The following VWA8 variants were observed in gnomAD, a reference collection of about 807,000 sequenced individuals.
VWA8 encodes von Willebrand factor A domain containing 8, also known as von Willebrand factor A domain-containing protein 8.
Under a neutral mutation model 241.5 loss-of-function variants are expected in VWA8, and 221 were observed. That is an observed-to-expected ratio of 0.91 (90% CI 0.82 to 1.02). VWA8 has a LOEUF of 1.02. Among genes scored for constraint, VWA8 ranks in the 50% least tolerant of loss-of-function variants. VWA8 has a pLI of 0.00. For synonymous variants in VWA8, 852 were observed against 827.1 expected (o/e 1.03, Z -0.52); for missense variants, 2,322 against 2,328.7 (o/e 1.00, Z 0.06).
At chr13:41,930,089 A>T (rs1286370961) in intron 2 of VWA8, among the ~76,000 whole-genome samples, 1 of 152,208 alleles carries the variant, frequency 6.6e-6, no homozygotes, top group Non-Finnish European at 1.5e-5. Context: ...TTCTCCAAAG[A>T]AGGTGTAAAA....
In VWA8 at chr13:41,854,927, C is replaced by A. The variant is rs76769737; in HGVS notation, c.1425+10809G>T. On this transcript the variant is annotated intron_variant, in intron 12 of 44. Transcript: ENST00000379310. ...CAAGAAAGCATGGAGTGGTAGGCAG[C>A]AAGTCATGTTGGGGAAACTGCAAGT... 9.2e-3 allele frequency among the ~76,000 whole-genome samples: 1,393 copies of A among 152,218 alleles called. 32 individuals carry two copies. The highest frequency in any genetic ancestry group is 0.03 in the African/African-American group (1,251 of 41,532).
At chr13:41,683,308 T>C (rs2045113289) in intron 35 of VWA8, among the ~76,000 whole-genome samples, 2 of 151,324 alleles carry the variant, frequency 1.3e-5, no homozygotes, top group South Asian at 2.1e-4. Flanking sequence ...AATAAATAAA[T>C]GATTCTCAAA....
chr13:41,619,642 C>G (rs2044644043), intron 37 of VWA8, among the ~76,000 whole-genome samples: 1 of 152,070 alleles, frequency 6.6e-6, no homozygotes, highest in African/African-American at 2.4e-5. Context: ...GAGATACGTT[C>G]CATCAATATC....
At chr13:41,900,216 T>G (rs996724484) in intron 4 of VWA8, among the ~76,000 whole-genome samples, 8 of 152,232 alleles carry the variant, frequency 5.3e-5, no homozygotes, top group African/African-American at 1.9e-4. Context: ...TTGGAAGATT[T>G]TTCTATACAG....
At chr13:41,864,192 T>C (rs1047813128) in intron 12 of VWA8, among the ~76,000 whole-genome samples, 7 of 151,250 alleles carry the variant, frequency 4.6e-5, no homozygotes, top group African/African-American at 9.7e-5. Context: ...TGTAGAATAA[T>C]TGGAACCATT....
chr13:41,573,486 A>AAATAAATAAATATATATAT lies in VWA8; in HGVS notation c.5370+2253_5370+2254insATATATATATTTATTTATT. Among the ~76,000 whole-genome samples, 72 of 113,586 alleles carry AAATAAATAAATATATATAT rather than the reference A, an allele frequency of 6.3e-4. 1 individual carries two copies. The highest frequency in any genetic ancestry group is 1.4e-3 in the African/African-American group (42 of 29,186). The allele number at this position is 113,586 out of a possible 152,430, so 74.5% of individuals were successfully genotyped here. On this transcript the variant is annotated intron_variant, in intron 43 of 44. Coordinates refer to ENST00000379310, the MANE Select transcript of VWA8 (RefSeq NM_015058.2). ...GGTGGCTATAGTTTAAAAAAAAAAA[A>AAATAAATAAATATATATAT]ATATATATATATATATATATACCTC...
chr13:41,646,980 AT>A (rs1311764576), intron 37 of VWA8, among the ~76,000 whole-genome samples: 1 of 152,232 alleles, frequency 6.6e-6, no homozygotes, highest in Non-Finnish European at 1.5e-5. Flanking sequence ...CATCTATAAA[AT>A]GGGACTATCA....
intron 37 of VWA8, among the ~76,000 whole-genome samples, chr13:41,650,576 G>A (rs933836209): frequency 2.0e-5 from 3 of 152,172 alleles, no homozygotes; most frequent in Non-Finnish European, 2.9e-5. Context: ...GAGGGACCTC[G>A]TAAAAGCTTT....
chr13:41,679,278 A>C (rs1241153701), intron 35 of VWA8, among the ~76,000 whole-genome samples: 7 of 152,182 alleles, frequency 4.6e-5, no homozygotes, highest in African/African-American at 1.7e-4. Context: ...GGTTAGAAGG[A>C]GGTATTAAAA....
intron 2 of VWA8, chr13:41,926,707 T>C (rs996850091): frequency 1.1e-5 from 6 of 537,244 alleles, no homozygotes; most frequent in African/African-American, 1.9e-5. Flanking sequence ...ACCACCCAGA[T>C]GGCCCATAGG....
At chr13:41,605,461 T>C (rs2044547923) in intron 39 of VWA8, among the ~76,000 whole-genome samples, 185 bp from the exon 40 acceptor site, 1 of 152,128 alleles carries the variant, frequency 6.6e-6, no homozygotes, top group Admixed American at 6.6e-5. Context: ...CATCCAGTAG[T>C]GTGCTAGTAA....
chr13:41,653,547 T>A (rs1362516534), intron 37 of VWA8, among the ~76,000 whole-genome samples: 1 of 152,166 alleles, frequency 6.6e-6, no homozygotes, highest in Non-Finnish European at 1.5e-5. Flanking sequence ...TTCATAGAAT[T>A]AGAAAAAACT....
intron 4 of VWA8, among the ~76,000 whole-genome samples, chr13:41,893,131 T>G (rs973370991): frequency 4.6e-5 from 7 of 152,194 alleles, no homozygotes; most frequent in Admixed American, 4.6e-4. Context: ...GGGGAAAACA[T>G]ATCTCTATTT....
chr13:41,627,794 G>A (rs781522464), intron 37 of VWA8, among the ~76,000 whole-genome samples: 11 of 151,960 alleles, frequency 7.2e-5, no homozygotes, highest in Non-Finnish European at 1.3e-4. Context: ...TGAGAGTTCC[G>A]TGATCCCCAA....
intron 37 of VWA8, among the ~76,000 whole-genome samples, chr13:41,617,201 C>CTCCACCT (rs1439854191): frequency 6.6e-6 from 1 of 152,052 alleles, no homozygotes; most frequent in African/African-American, 2.4e-5. Context: ...TCACCGCAAC[C>CTCCACCT]TCCACCTTCC....
chr13:41,704,344 G>GA (rs1197340045), intron 26 of VWA8, among the ~76,000 whole-genome samples: 1 of 152,128 alleles, frequency 6.6e-6, no homozygotes, highest in East Asian at 1.9e-4. Flanking sequence ...ATTTCTGATG[G>GA]AATCATTCTG....
In VWA8 at chr13:41,719,402, T is replaced by A. The variant is rs552387860; in HGVS notation, c.3116+189A>T. 160 of 1,413,734 alleles carry A rather than the reference T, an allele frequency of 1.1e-4. No individual in the cohort carries two copies. The African/African-American group carries it at 2.1e-3, about 18-fold the overall frequency. The allele number at this position is 1,413,734 out of a possible 1,614,324, so 87.6% of individuals were successfully genotyped here. ...CATGGGACATACATAATAATCAAAATTTTCAATTTACAGGCCTATAAATAA... is the reference window on the plus strand; with the variant it reads ...CATGGGACATACATAATAATCAAAAATTTCAATTTACAGGCCTATAAATAA... On this transcript the variant is annotated intron_variant, in intron 26 of 44. Coordinates refer to ENST00000379310, the MANE Select transcript of VWA8 (RefSeq NM_015058.2).
At chr13:41,610,686 T>G (rs4942069) in intron 39 of VWA8, among the ~76,000 whole-genome samples, 31,596 of 152,172 alleles carry the variant, frequency 0.21, 3,524 homozygotes, top group East Asian at 0.38. Flanking sequence ...ACTGCGCCCA[T>G]CTCCTTTCAT....
intron 25 of VWA8, among the ~76,000 whole-genome samples, chr13:41,720,999 T>C (rs1025851678): frequency 6.6e-6 from 1 of 152,160 alleles, no homozygotes; most frequent in African/African-American, 2.4e-5. Flanking sequence ...TGTCTCCATG[T>C]GATTTGCTTC....
Sources: allele counts gnomAD v4.1 joint callset (sites outside exome capture counted in the v4.1 genomes callset), GRCh38; gene constraint gnomAD v4.1.1; transcripts MANE v1.5; gene names NCBI Gene and HGNC (gene_info 2026-07-23, HGNC 2026-07-21).